C2orf80: variants seen among roughly 807,000 people sequenced by gnomAD.
C2orf80 encodes the protein chromosome 2 open reading frame 80, also known as uncharacterized protein C2orf80.
C2orf80 carries 28 observed loss-of-function variants against 30.2 expected under a neutral mutation model. That is an observed-to-expected ratio of 0.93 (90% confidence interval 0.69 to 1.27). The LOEUF is 1.27. Ranked by LOEUF, C2orf80 falls within the 50% of genes most tolerant of loss-of-function variation. The probability of loss-of-function intolerance (pLI) is 0.00; values close to 1 mark genes in which losing one functional copy is unlikely to be tolerated. For synonymous variants in C2orf80, 80 were observed against 76.4 expected, an observed-to-expected ratio of 1.05 and a Z score of -0.24; for missense variants, 220 against 231.0, an observed-to-expected ratio of 0.95 and a Z score of 0.31.
chr2:208,175,994 A>G (rs10221897), intron 6 of C2orf80, among the ~76,000 whole-genome samples: 56,806 of 151,810 alleles, frequency 0.37, 12,066 homozygotes, highest in East Asian at 0.74. Flanking sequence ...AGGCTCTTAG[A>G]CTCTTGTATT....
intron 7 of C2orf80, among the ~76,000 whole-genome samples, chr2:208,171,563 T>C (rs1422306039): frequency 6.6e-6 from 1 of 152,146 alleles, no homozygotes; most frequent in Admixed American, 6.6e-5. Context: ...TCAGGTGATC[T>C]GCCCGCCTCG....
intron 6 of C2orf80, among the ~76,000 whole-genome samples, chr2:208,176,941 C>CAGATA (rs1696341194): frequency 6.6e-5 from 2 of 30,214 alleles, no homozygotes; most frequent in Non-Finnish European, 1.1e-4. Context: ...GTATACATAT[C>CAGATA]TGTATACATA....
intron 6 of C2orf80, among the ~76,000 whole-genome samples, chr2:208,176,979 A>ATCT (rs1696362858): frequency 1.0e-5 from 1 of 98,336 alleles, no homozygotes; most frequent in African/African-American, 3.6e-5. Context: ...ACATATATAC[A>ATCT]GAAATGTATA....
rs768758264 is a variant in C2orf80 at position 208,180,734 on chromosome 2, G to T, written c.366+11C>A. 1.2e-6 allele frequency: 2 copies of T among 1,606,420 alleles called. No individual in the cohort carries two copies. The highest frequency in any genetic ancestry group is 3.4e-5 in the Admixed American group (2 of 59,132). ...AAATCCCTTCTATTGACAATCCCAG[G>T]TCACCCTTACCTTGATGGTACCAGA... On this transcript the variant is annotated intron_variant, in intron 6 of 8. Transcript: ENST00000341287.
chr2:208,167,421 C>G (rs957631814), intron 8 of C2orf80, among the ~76,000 whole-genome samples: 5 of 151,624 alleles, frequency 3.3e-5, no homozygotes, highest in Admixed American at 6.6e-5. Context: ...ACTCAGGAGA[C>G]TGAGACAGGA....
intron 8 of C2orf80, among the ~76,000 whole-genome samples, chr2:208,166,062 T>C (rs1695877169): frequency 2.0e-5 from 3 of 152,118 alleles, no homozygotes; most frequent in Admixed American, 2.0e-4. Context: ...AGGAAAAAAA[T>C]GCTTAAAAAG....
intron 1 of C2orf80, 127 bp downstream of exon 1, chr2:208,189,826 T>C: frequency 1.5e-6 from 1 of 654,974 alleles, no homozygotes; most frequent in Non-Finnish European, 2.7e-6. Flanking sequence ...AGGAATATCA[T>C]TTCCTGGAGA....
At position 208,165,767 on chromosome 2, in the gene C2orf80, G is replaced by A; in HGVS notation, c.*40C>T. The A allele has an allele frequency of 1.2e-6, 2 of 1,612,082 alleles. No homozygotes were observed. Among genetic ancestry groups the A allele is most frequent in the Non-Finnish European group, 1.7e-6 (2 of 1,179,508 alleles). Reference sequence around the variant, plus strand: ...AGATGATGCTTCTCGTCTGCTCCCAGAGAATCTATTATGAAGTTCCATGGT... The same window carrying A: ...AGATGATGCTTCTCGTCTGCTCCCAAAGAATCTATTATGAAGTTCCATGGT... On this transcript the variant is annotated 3_prime_UTR_variant, in exon 9 of 9. Transcript: ENST00000341287.
At chr2:208,183,341 TGAA>T (rs1335386995) in intron 3 of C2orf80, among the ~76,000 whole-genome samples, 2 of 151,294 alleles carry the variant, frequency 1.3e-5, no homozygotes, top group East Asian at 3.9e-4. Context: ...GAGAGATCAG[TGAA>T]GAATAATAAA....
At chr2:208,167,865 C>T (rs1433988419) in intron 8 of C2orf80, among the ~76,000 whole-genome samples, 2 of 140,230 alleles carry the variant, frequency 1.4e-5, no homozygotes, top group East Asian at 2.2e-4. Flanking sequence ...CATGAGCCAT[C>T]GTGCCTGGCT....
At chr2:208,174,400 T>G (rs954376987) in intron 6 of C2orf80, among the ~76,000 whole-genome samples, 3 of 152,152 alleles carry the variant, frequency 2.0e-5, no homozygotes, top group African/African-American at 7.2e-5. Context: ...CTGGAGTAAG[T>G]GTGAGAGGGT....
Position 208,171,994 on chromosome 2 carries a change from T to C in C2orf80, c.448A>G (p.Lys150Glu). ...TGAAAGTAACCAGGCTTACTCTGTT[T>C]GCGGGCGTATGCTGCTGCTTTGGGT... ...TAPKAAAYARKQSVKSRKVTT... is the reference protein window; with the variant it reads ...TAPKAAAYAREQSVKSRKVTT... Residue 150 changes from lysine to glutamate, a missense_variant, in exon 7 of 9, where the codon AAA becomes GAA. Coordinates refer to ENST00000341287, the MANE Select transcript of C2orf80 (RefSeq NM_001099334.3). 6.2e-7 allele frequency: 1 copy of C among 1,613,476 alleles called. No homozygotes were observed. The highest frequency in any genetic ancestry group is 8.5e-7 in the Non-Finnish European group (1 of 1,179,390).
chr2:208,189,342 C>G (rs1574379733), intron 1 of C2orf80, among the ~76,000 whole-genome samples: 1 of 152,122 alleles, frequency 6.6e-6, no homozygotes, highest in South Asian at 2.1e-4. Flanking sequence ...CCCCTGCCCC[C>G]ACCACCACCA....
At chr2:208,169,867 CTGA>C (rs1235559776) in intron 8 of C2orf80, among the ~76,000 whole-genome samples, 2 of 152,040 alleles carry the variant, frequency 1.3e-5, no homozygotes, top group Non-Finnish European at 2.9e-5. Context: ...TATTAAAACC[CTGA>C]TATGACCAAA....
At chr2:208,166,675 G>A (rs1460514079) in intron 8 of C2orf80, among the ~76,000 whole-genome samples, 6 of 151,402 alleles carry the variant, frequency 4.0e-5, no homozygotes, top group African/African-American at 1.5e-4. Flanking sequence ...TTTTGAGACG[G>A]TGTCTCACTC....
chr2:208,187,584 G>A (rs1390473940), intron 1 of C2orf80, among the ~76,000 whole-genome samples: 1 of 152,144 alleles, frequency 6.6e-6, no homozygotes, highest in Non-Finnish European at 1.5e-5. Flanking sequence ...AGAAATTGAA[G>A]ATCAGGTGAT....
At chr2:208,175,222 G>C (rs758923670) in intron 6 of C2orf80, among the ~76,000 whole-genome samples, 1,721 of 146,108 alleles carry the variant, frequency 0.012, 40 homozygotes, top group Non-Finnish European at 0.019. Context: ...GGGGGGGGGG[G>C]GGGCGGAGGT....
Position 208,176,971 on chromosome 2 carries a change from A to AGATCTGTACATATCCG in C2orf80, c.366+3773_366+3774insCGGATATGTACAGATC, listed in dbSNP as rs1559340642. On this transcript the variant is annotated intron_variant, in intron 6 of 8. Coordinates refer to ENST00000341287, the MANE Select transcript of C2orf80 (RefSeq NM_001099334.3). ...TACATATCTGTATACATATGTATACATATATACAGAAATGTATATGTATAC... is the reference window on the plus strand; with the variant it reads ...TACATATCTGTATACATATGTATACAGATCTGTACATATCCGTATATACAGAAATGTATATGTATAC... 1.9e-5 allele frequency among the ~76,000 whole-genome samples: 2 copies of AGATCTGTACATATCCG among 106,010 alleles called. 1 individual carries two copies. Among genetic ancestry groups the AGATCTGTACATATCCG allele is most frequent in the Non-Finnish European group, 4.2e-5 (2 of 47,900 alleles). The allele number at this position is 106,010 out of a possible 152,430, so 69.5% of individuals were successfully genotyped here.
Position 208,165,596 on chromosome 2 carries a change from TA to T in C2orf80, c.*210del. 1 of 515,830 alleles carries T rather than the reference TA, an allele frequency of 1.9e-6. No homozygotes were observed. The highest frequency in any genetic ancestry group is 3.3e-6 in the Non-Finnish European group (1 of 304,976). The allele number at this position is 515,830 out of a possible 1,614,324, so 32.0% of individuals were successfully genotyped here. ...GTCTTCCAGTCACAATGAAGTAGCATAAGGTCACAGTTTTTTTTTTTAAGAA... is the reference window on the plus strand; with the variant it reads ...GTCTTCCAGTCACAATGAAGTAGCATAGGTCACAGTTTTTTTTTTTAAGAA... On this transcript the variant is annotated 3_prime_UTR_variant, in exon 9 of 9. Coordinates refer to ENST00000341287, the MANE Select transcript of C2orf80 (RefSeq NM_001099334.3).
Sources: allele counts gnomAD v4.1 joint callset (sites outside exome capture counted in the v4.1 genomes callset), GRCh38; gene constraint gnomAD v4.1.1; transcripts MANE v1.5; gene names NCBI Gene and HGNC (gene_info 2026-07-23, HGNC 2026-07-21).